The following GRID1 variants were observed in gnomAD, a reference collection of about 807,000 sequenced individuals.
GRID1 encodes the protein glutamate receptor ionotropic, delta-1.
In GRID1, 28 loss-of-function variants were observed where a neutral mutation model predicts 98.0. The observed-to-expected ratio is 0.29, with a 90% CI of 0.21 to 0.39. The LOEUF is 0.39. GRID1 is among the 10% of genes least tolerant of loss of function. GRID1 has a pLI of 1.00. For synonymous variants in GRID1, 553 were observed against 538.5 expected, an observed-to-expected ratio of 1.03 and a Z score of -0.37; for missense variants, 1,111 against 1,340.5, an observed-to-expected ratio of 0.83 and a Z score of 2.67.
chr10:85,945,985 T>C (rs1842049260), intron 4 of GRID1, among the ~76,000 whole-genome samples: 1 of 152,220 alleles, frequency 6.6e-6, no homozygotes, highest in African/African-American at 2.4e-5. Flanking sequence ...TGTTAAAACA[T>C]TGAAGGGACA....
chr10:86,169,026 C>T (rs989038599), intron 3 of GRID1, among the ~76,000 whole-genome samples: 1 of 152,188 alleles, frequency 6.6e-6, no homozygotes, highest in African/African-American at 2.4e-5. Context: ...GTGCACAATG[C>T]CGGTGCAGAA....
At chr10:86,158,894 A>C (rs891179995) in intron 3 of GRID1, among the ~76,000 whole-genome samples, 1 of 152,170 alleles carries the variant, frequency 6.6e-6, no homozygotes, top group African/African-American at 2.4e-5. Context: ...AAAATATTTC[A>C]TTAATTATCT....
chr10:85,692,902 T>A (rs1048685584), intron 12 of GRID1, among the ~76,000 whole-genome samples: 2 of 152,200 alleles, frequency 1.3e-5, no homozygotes, highest in Admixed American at 6.5e-5. Flanking sequence ...AGAACATGCA[T>A]GTAGCTGTAA....
At chr10:85,726,233 C>A (rs1390167023) in intron 10 of GRID1, among the ~76,000 whole-genome samples, 2 of 149,598 alleles carry the variant, frequency 1.3e-5, no homozygotes, top group South Asian at 2.1e-4. Flanking sequence ...GAAGTACAAT[C>A]ATTTTTTTTT....
chr10:85,909,829 AT>A (rs1226796761), intron 5 of GRID1, among the ~76,000 whole-genome samples: 1 of 152,156 alleles, frequency 6.6e-6, no homozygotes, highest in East Asian at 1.9e-4. Context: ...CACTACCTCT[AT>A]TGTGGTTATG....
At position 86,192,031 on chromosome 10, in the gene GRID1, G is replaced by T. The variant is rs1302124709; in HGVS notation, c.520+14333C>A. Among the ~76,000 whole-genome samples the T allele has an allele frequency of 6.6e-6, 1 of 152,144 alleles. No individual in the cohort carries two copies. The highest frequency in any genetic ancestry group is 2.4e-5 in the African/African-American group (1 of 41,412). On this transcript the variant is annotated intron_variant, in intron 3 of 15. Transcript: ENST00000327946. This position sits in a 1 kb window ranked among gnomAD's most constrained non-coding sequence, Gnocchi z 4.8. ...CTGAACTTGATCCTTAAGGAGAGGG[G>T]GAGACATTCAGGGGTCTAAGCAGGG... is the stretch of plus-strand genomic sequence containing the variant.
At chr10:86,309,124 T>C (rs923447342) in intron 2 of GRID1, among the ~76,000 whole-genome samples, 1 of 152,188 alleles carries the variant, frequency 6.6e-6, no homozygotes, top group Admixed American at 6.5e-5. Flanking sequence ...GTCTTAGTAC[T>C]TAGGGTTTAT....
At chr10:86,200,726 T>C (rs1443642782) in intron 3 of GRID1, among the ~76,000 whole-genome samples, 2 of 151,896 alleles carry the variant, frequency 1.3e-5, no homozygotes, top group African/African-American at 4.8e-5. Flanking sequence ...ATTGCCACAC[T>C]TAAAAAGAAA....
At chr10:86,337,050 A>T (rs1214893039) in intron 2 of GRID1, among the ~76,000 whole-genome samples, 1 of 150,406 alleles carries the variant, frequency 6.6e-6, no homozygotes, top group Non-Finnish European at 1.5e-5. Context: ...GCGGGGTTTC[A>T]CCGTGTTAGC....
intron 4 of GRID1, among the ~76,000 whole-genome samples, chr10:85,979,342 T>A (rs1842514220): frequency 6.6e-6 from 1 of 152,158 alleles, no homozygotes; most frequent in Non-Finnish European, 1.5e-5. Flanking sequence ...GAGGGTGTGT[T>A]CATTTGCTAG....
At chr10:86,038,028 T>G (rs1277168354) in intron 4 of GRID1, among the ~76,000 whole-genome samples, 2 of 152,012 alleles carry the variant, frequency 1.3e-5, no homozygotes, top group Non-Finnish European at 2.9e-5. Context: ...AAAAGGAGAT[T>G]AGGACACAGA....
intron 5 of GRID1, among the ~76,000 whole-genome samples, chr10:85,872,903 C>G (rs1006082119): frequency 6.6e-6 from 1 of 152,218 alleles, no homozygotes; most frequent in Non-Finnish European, 1.5e-5. Context: ...ATTATTCTTA[C>G]TGTACAATCC....
intron 11 of GRID1, 63 bp from the exon 12 acceptor site, chr10:85,723,204 G>T (rs988395487): frequency 6.6e-7 from 1 of 1,515,522 alleles, no homozygotes; most frequent in Admixed American, 1.8e-5. Flanking sequence ...TCCCCAGGGA[G>T]GTGTTCTGCC....
chr10:86,006,753 A>G (rs1315173102), intron 4 of GRID1, among the ~76,000 whole-genome samples: 1 of 151,454 alleles, frequency 6.6e-6, no homozygotes, highest in Non-Finnish European at 1.5e-5. Context: ...TGAAATTCCA[A>G]TTTATTACAA....
chr10:85,951,587 C>A (rs1362757967), intron 4 of GRID1, among the ~76,000 whole-genome samples: 1 of 152,178 alleles, frequency 6.6e-6, no homozygotes, highest in Non-Finnish European at 1.5e-5. Flanking sequence ...GTCAAGCCAC[C>A]CTCTATGCCT....
intron 3 of GRID1, among the ~76,000 whole-genome samples, chr10:86,194,200 C>G (rs1259437318): frequency 6.6e-6 from 1 of 152,090 alleles, no homozygotes; most frequent in African/African-American, 2.4e-5. Flanking sequence ...CAATCCAACC[C>G]CTAGAAGTAC....
intron 13 of GRID1, among the ~76,000 whole-genome samples, chr10:85,623,299 C>T (rs1022240418): frequency 6.6e-6 from 1 of 152,204 alleles, no homozygotes; most frequent in African/African-American, 2.4e-5. Flanking sequence ...CTGTCAGGAA[C>T]ATTGCAGACA....
chr10:86,321,305 A>G (rs928330016), intron 2 of GRID1, among the ~76,000 whole-genome samples: 18 of 152,106 alleles, frequency 1.2e-4, no homozygotes, highest in African/African-American at 4.3e-4. Flanking sequence ...TTCTGCAACA[A>G]GGTCACCCAG....
intron 4 of GRID1, among the ~76,000 whole-genome samples, chr10:86,000,736 C>G (rs1842793289): frequency 6.6e-6 from 1 of 152,114 alleles, no homozygotes; most frequent in Non-Finnish European, 1.5e-5. Context: ...AAAATTGAAC[C>G]TGAAATTAAG....
Sources: gnomAD v4.1 joint callset for allele counts (sites outside exome capture counted in the v4.1 genomes callset) on GRCh38, gnomAD v4.1.1 for gene constraint, Gnocchi (gnomAD v3.1) non-coding constraint, MANE v1.5 for transcripts, NCBI Gene and HGNC (gene_info 2026-07-23, HGNC 2026-07-21) for gene names.